Variants in C2CD2L observed in about 807,000 individuals in gnomAD.
C2CD2L encodes the protein phospholipid transfer protein C2CD2L.
In C2CD2L, 24 loss-of-function variants were observed where a neutral mutation model predicts 69.9. The observed-to-expected ratio is 0.34, with a 90% CI of 0.25 to 0.48. The LOEUF (loss-of-function observed/expected upper bound fraction) is 0.48. C2CD2L is among the 20% of genes least tolerant of loss of function. C2CD2L has a pLI of 0.99. For missense variants in C2CD2L, 811 were observed against 941.5 expected (o/e 0.86, Z 1.81); for synonymous variants, 367 against 391.0 (o/e 0.94, Z 0.72).
Position 119,110,060 on chromosome 11 carries a change from G to T in C2CD2L, c.355-44G>T, listed in dbSNP as rs558820017. ...AACTGAGCAGGCCAACCCTGTGGGG[G>T]GCAGCTCCAGAGACCTGATCCAATG... On this transcript the variant is annotated intron_variant, in intron 1 of 13. Coordinates refer to ENST00000648610, the MANE Select transcript of C2CD2L (RefSeq NM_001290474.2). The surrounding 1 kb of genome is among the most constrained non-coding windows in gnomAD (Gnocchi z 5.7). 21 of 1,407,540 alleles carry T rather than the reference G, an allele frequency of 1.5e-5. No homozygotes were observed. In the East Asian group the frequency reaches 4.6e-4, roughly 31 times the overall value. The allele number at this position is 1,407,540 out of a possible 1,614,324, so 87.2% of individuals were successfully genotyped here.
At position 119,116,137 on chromosome 11, in the gene C2CD2L, A is replaced by G; in HGVS notation, c.2002A>G (p.Asn668Asp). ...GLSQSHDDLSNATATPSVRKK... is the reference protein window; with the variant it reads ...GLSQSHDDLSDATATPSVRKK... ...GAGCCAATCACACGATGACCTCTCC[A>G]ACGCAACGGCCACGCCCAGTGTCCG... Residue 668 changes from asparagine to aspartate, a missense_variant, in exon 14 of 14, where the codon AAC becomes GAC. Transcript: ENST00000648610. The G allele has an allele frequency of 6.2e-7, 1 of 1,614,212 alleles. No homozygotes were observed.
chr11:119,103,126 G>A (rs1183150719), upstream of C2CD2L, among the ~76,000 whole-genome samples: 1 of 151,924 alleles, frequency 6.6e-6, no homozygotes, highest in Non-Finnish European at 1.5e-5. Context: ...CCCGACCTCA[G>A]GTGATCTGCC....
At chr11:119,104,343 ATC>A (rs1292161140), upstream of C2CD2L, among the ~76,000 whole-genome samples, 1 of 152,034 alleles carries the variant, frequency 6.6e-6, no homozygotes, top group African/African-American at 2.4e-5. Context: ...GGGAAGCTTT[ATC>A]TCTTTCTTCT....
chr11:119,111,482 C>T lies in C2CD2L; in HGVS notation c.911-39C>T, dbSNP rs751206256. On this transcript the variant is annotated intron_variant, in intron 6 of 13. Coordinates refer to ENST00000648610, the MANE Select transcript of C2CD2L (RefSeq NM_001290474.2). The stretch of plus-strand genomic sequence containing the variant: ...TCTTTATTCTGCAGTGACTTCCCAT[C>T]TCTGATCTGAGCATCTTCTAACTTC... The T allele has an allele frequency of 3.7e-6, 6 of 1,605,022 alleles. No individual in the cohort carries two copies. In the South Asian group the frequency reaches 6.6e-5, roughly 18 times the overall value.
chr11:119,113,372 A>G (rs1946799947), intron 10 of C2CD2L: 1 of 549,342 alleles, frequency 1.8e-6, no homozygotes, highest in Non-Finnish European at 3.1e-6. Context: ...TCCCCGCTCC[A>G]TATTTTCATA....
intron 1 of C2CD2L, 67 bp downstream of exon 1, chr11:119,108,162 G>C (rs908224034): frequency 1.8e-6 from 2 of 1,093,570 alleles, no homozygotes; most frequent in East Asian, 5.6e-5. Flanking sequence ...CTGACTGCTC[G>C]TGCTAGGAGG....
At position 119,107,466 on chromosome 11, in the gene C2CD2L, T is replaced by C; in HGVS notation, c.-276T>C. ...GGCGGGGCCCGCGCGGTGGGAGGAG[T>C]CGGGCACTGGCCGGCGACTAACGGG... is the stretch of plus-strand genomic sequence containing the variant. On this transcript the variant is annotated 5_prime_UTR_variant, in exon 1 of 14. Coordinates refer to ENST00000648610, the MANE Select transcript of C2CD2L (RefSeq NM_001290474.2). The surrounding 1 kb of genome is among the most constrained non-coding windows in gnomAD (Gnocchi z 5.4). 3.5e-6 allele frequency: 1 copy of C among 282,644 alleles called. No homozygotes were observed. The highest frequency in any genetic ancestry group is 6.4e-6 in the Non-Finnish European group (1 of 155,264). The allele number at this position is 282,644 out of a possible 1,614,324, so 17.5% of individuals were successfully genotyped here.
upstream of C2CD2L, chr11:119,102,336 T>C (rs1408934119): frequency 4.2e-6 from 2 of 471,288 alleles, no homozygotes; most frequent in African/African-American, 4.0e-5. Flanking sequence ...CGCGCCTGTT[T>C]CTTGCAGGAA....
chr11:119,105,133 A>C (rs1419228638), upstream of C2CD2L, among the ~76,000 whole-genome samples: 1 of 152,222 alleles, frequency 6.6e-6, no homozygotes, highest in East Asian at 1.9e-4. Context: ...ACTGTGGAGG[A>C]TACAAACTAA....
At chr11:119,108,347 T>C in intron 1 of C2CD2L, 3 of 443,050 alleles carry the variant, frequency 6.8e-6, no homozygotes, top group East Asian at 3.8e-5. Flanking sequence ...GCTGTTCTCA[T>C]AGCAACGCTA....
intron 10 of C2CD2L, chr11:119,113,353 C>G (rs983264862): frequency 1.2e-5 from 6 of 486,436 alleles, no homozygotes; most frequent in Non-Finnish European, 2.2e-5. Flanking sequence ...AGCCCCAGTA[C>G]CCCCTCTGTC....
In C2CD2L at chr11:119,116,112, G is replaced by A. The variant is rs1328513551; in HGVS notation, c.1977G>A (p.Leu659=). ...RRRPRQKEAG[L]SQSHDDLSNA... is the part of the protein sequence containing the mutation. The stretch of plus-strand genomic sequence containing the variant: ...GGCCTAGGCAGAAGGAAGCTGGCCT[G>A]AGCCAATCACACGATGACCTCTCCA... The change falls in exon 14 of 14, where the codon CTG becomes CTA. Residue 659 remains leucine (L), a synonymous_variant. Transcript: ENST00000648610. The A allele has an allele frequency of 6.2e-7, 1 of 1,614,054 alleles. No homozygotes were observed. Among genetic ancestry groups the A allele is most frequent in the African/African-American group, 1.3e-5 (1 of 74,936 alleles).
intron 13 of C2CD2L, chr11:119,115,739 C>G (rs1473962037): frequency 2.1e-6 from 1 of 469,736 alleles, no homozygotes; most frequent in Non-Finnish European, 3.8e-6. Context: ...ACAAAGCGGC[C>G]AGCTCCGTGA....
chr11:119,112,951 GGA>G, intron 10 of C2CD2L, 77 bp downstream of exon 10: 1 of 1,230,472 alleles, frequency 8.1e-7, no homozygotes. Flanking sequence ...CAGTGAAAGA[GGA>G]GAGAGCCTTA....
chr11:119,105,800 G>A (rs1946574389), upstream of C2CD2L, among the ~76,000 whole-genome samples: 1 of 152,182 alleles, frequency 6.6e-6, no homozygotes, highest in Non-Finnish European at 1.5e-5. Context: ...AGAAGTCAGA[G>A]AATGGAGATC....
In C2CD2L at chr11:119,107,766, G is replaced by A; in HGVS notation, c.25G>A (p.Asp9Asn). 1 of 1,539,860 alleles carries A rather than the reference G, an allele frequency of 6.5e-7. No individual in the cohort carries two copies. The highest frequency in any genetic ancestry group is 2.0e-5 in the Admixed American group (1 of 50,424). Residue 9 changes from aspartate (D) to asparagine (N), a missense_variant, in exon 1 of 14, where the codon GAC (aspartate) becomes AAC (asparagine). Asp to Asn is a conservative substitution (Grantham distance 23). Transcript: ENST00000648610. This position sits in a 1 kb window ranked among gnomAD's most constrained non-coding sequence, Gnocchi z 5.4. ...CATGGATCCGGGCTGGGGGCAGCGGGACGTGGGCTGGGCGGCCTTGCTGAT... is the reference window on the plus strand; with the variant it reads ...CATGGATCCGGGCTGGGGGCAGCGGAACGTGGGCTGGGCGGCCTTGCTGAT... MDPGWGQRDVGWAALLILF... is the reference protein window; with the variant it reads MDPGWGQRNVGWAALLILF...
At position 119,111,172 on chromosome 11, in the gene C2CD2L, A is replaced by T. The variant is rs200442745; in HGVS notation, c.798+4A>T. The T allele has an allele frequency of 1.2e-4, 198 of 1,612,992 alleles. No individual in the cohort carries two copies. Among genetic ancestry groups the T allele is most frequent in the Non-Finnish European group, 1.7e-4 (195 of 1,179,302 alleles). On this transcript the variant is annotated splice_donor_region_variant and intron_variant, in intron 5 of 13. Coordinates refer to ENST00000648610, the MANE Select transcript of C2CD2L (RefSeq NM_001290474.2). ...TTGCTCTGCCCCAGGAGGCCTGGTG[A>T]GTTGGCACCCAAAGCAAAAGATTTG...
intron 7 of C2CD2L, chr11:119,111,917 G>A (rs139832030): frequency 3.4e-4 from 157 of 455,676 alleles, no homozygotes; most frequent in African/African-American, 2.8e-3. Flanking sequence ...AGGTGGGGGG[G>A]AGATTAATTC....
chr11:119,108,940 C>T (rs1946664515), intron 1 of C2CD2L, among the ~76,000 whole-genome samples: 1 of 152,206 alleles, frequency 6.6e-6, no homozygotes. Flanking sequence ...TCCCCAGATG[C>T]CGGAAACAGA....
Sources: allele counts gnomAD v4.1 joint callset (sites outside exome capture counted in the v4.1 genomes callset), GRCh38; gene constraint gnomAD v4.1.1; non-coding constraint Gnocchi (gnomAD v3.1); transcripts MANE v1.5; gene names NCBI Gene and HGNC (gene_info 2026-07-23, HGNC 2026-07-21).